Variants in CD80 observed in about 807,000 individuals in gnomAD.
The protein encoded by CD80 is T-lymphocyte activation antigen CD80.
Under a neutral mutation model 27.1 loss-of-function variants are expected in CD80, and 13 were observed. The observed-to-expected ratio is 0.48, with a 90% CI of 0.31 to 0.76. CD80 has a LOEUF of 0.76. Among genes scored for constraint, CD80 ranks in the 30% least tolerant of loss-of-function variants. CD80 has a pLI of 0.04. For synonymous variants in CD80, 125 were observed against 125.5 expected (o/e 1.00, Z 0.03); for missense variants, 277 against 347.9 (o/e 0.80, Z 1.62).
chr3:119,527,686 C>T (rs2107738707), intron 6 of CD80, 47 bp downstream of exon 6: 1 of 1,153,066 alleles, frequency 8.7e-7, no homozygotes, highest in South Asian at 1.3e-5. Context: ...AAGAATGCCT[C>T]ATGATCCCCA....
At chr3:119,547,761 T>C (rs1272703158) in intron 2 of CD80, among the ~76,000 whole-genome samples, 1 of 152,190 alleles carries the variant, frequency 6.6e-6, no homozygotes, top group Non-Finnish European at 1.5e-5. Flanking sequence ...GAATTCAATA[T>C]ATTAGCAGCC....
At chr3:119,543,594 C>T (rs938538215) in intron 3 of CD80, among the ~76,000 whole-genome samples, 3 of 150,630 alleles carry the variant, frequency 2.0e-5, no homozygotes, top group East Asian at 4.0e-4. Context: ...GTAGCCAACA[C>T]GTCCCTGGCT....
intron 2 of CD80, among the ~76,000 whole-genome samples, chr3:119,552,802 G>T (rs946067700): frequency 2.0e-5 from 3 of 152,248 alleles, no homozygotes; most frequent in Admixed American, 1.3e-4. Context: ...CTCAGTGAAA[G>T]AAAATAGTCA....
intron 1 of CD80, among the ~76,000 whole-genome samples, chr3:119,558,397 C>T (rs550140057): frequency 1.3e-5 from 2 of 152,048 alleles, no homozygotes; most frequent in Non-Finnish European, 1.5e-5. Flanking sequence ...GGTATGAGAT[C>T]TCAATAACCA....
intron 2 of CD80, among the ~76,000 whole-genome samples, chr3:119,549,539 T>G (rs1217778809): frequency 6.6e-6 from 1 of 152,198 alleles, no homozygotes; most frequent in African/African-American, 2.4e-5. Flanking sequence ...GGGAGACCCA[T>G]GTCTAGGGAC....
chr3:119,545,894 A>G (rs2082200125), intron 2 of CD80, among the ~76,000 whole-genome samples: 1 of 152,150 alleles, frequency 6.6e-6, no homozygotes, highest in African/African-American at 2.4e-5. Flanking sequence ...TTGGGGTCAT[A>G]TGGTAGTTCT....
chr3:119,534,248 T>C (rs1437373466), intron 4 of CD80, among the ~76,000 whole-genome samples: 5 of 151,924 alleles, frequency 3.3e-5, no homozygotes, highest in African/African-American at 9.7e-5. Flanking sequence ...GGCAGGCACC[T>C]GTAATCCCAG....
intron 4 of CD80, among the ~76,000 whole-genome samples, chr3:119,532,837 C>G (rs1284877253): frequency 6.6e-6 from 1 of 152,148 alleles, no homozygotes; most frequent in Non-Finnish European, 1.5e-5. Context: ...GTCTCTTTGC[C>G]TCAGGTTTCC....
At chr3:119,539,115 CATTGA>C (rs765627805) in intron 3 of CD80, among the ~76,000 whole-genome samples, 1 of 152,160 alleles carries the variant, frequency 6.6e-6, no homozygotes, top group African/African-American at 2.4e-5. Flanking sequence ...TTGAAAATAT[CATTGA>C]AATGTATTTG....
chr3:119,556,699 T>C (rs80193048), intron 2 of CD80, among the ~76,000 whole-genome samples: 1 of 152,222 alleles, frequency 6.6e-6, no homozygotes, highest in Non-Finnish European at 1.5e-5. Context: ...TTCTAGGCAG[T>C]ACTTTATGTG....
At position 119,557,739 on chromosome 3, in the gene CD80, G is replaced by A. The variant is rs1037712445; in HGVS notation, c.-11C>T. ...CCGTGTGTGGCCCATGGCTTCAGATGCTTAGGGTCAAAAGTGAAAGCCAAC... is the reference window on the plus strand; with the variant it reads ...CCGTGTGTGGCCCATGGCTTCAGATACTTAGGGTCAAAAGTGAAAGCCAAC... On this transcript the variant is annotated 5_prime_UTR_variant, in exon 2 of 7. Coordinates refer to ENST00000264246, the MANE Select transcript of CD80 (RefSeq NM_005191.4). 1 of 1,601,286 alleles carries A rather than the reference G, an allele frequency of 6.2e-7. No homozygotes were observed. The highest frequency in any genetic ancestry group is 8.5e-7 in the Non-Finnish European group (1 of 1,171,436).
chr3:119,553,816 A>G (rs2082248325), intron 2 of CD80, among the ~76,000 whole-genome samples: 2 of 152,374 alleles, frequency 1.3e-5, no homozygotes, highest in South Asian at 4.1e-4. Flanking sequence ...AATGGAAGAT[A>G]TAGAAAAGCG....
In CD80 at chr3:119,527,736, C is replaced by T. The variant is rs180804720; in HGVS notation, c.*35G>A. 24 of 1,564,946 alleles carry T rather than the reference C, an allele frequency of 1.5e-5. No homozygotes were observed. The African/African-American group carries it at 3.2e-4, about 21-fold the overall frequency. ...CAGAAGAGATGACGGAGGCTACCTT[C>T]AGATCTTTTCAGCCCCTTGCTTCTG... On this transcript the variant is annotated 3_prime_UTR_variant, in exon 6 of 7. Coordinates refer to ENST00000264246, the MANE Select transcript of CD80 (RefSeq NM_005191.4).
At chr3:119,539,930 T>C (rs1246502876) in intron 3 of CD80, among the ~76,000 whole-genome samples, 1 of 152,198 alleles carries the variant, frequency 6.6e-6, no homozygotes, top group African/African-American at 2.4e-5. Flanking sequence ...AAGAATTAAA[T>C]GACATCGTTC....
intron 5 of CD80, among the ~76,000 whole-genome samples, chr3:119,528,935 A>AAAG (rs2082094345): frequency 6.7e-6 from 1 of 148,200 alleles, no homozygotes; most frequent in African/African-American, 2.5e-5. Context: ...AAAAAAAAAA[A>AAAG]GAACTAAGAA....
chr3:119,530,072 T>C (rs958651544), intron 4 of CD80, 135 bp from the exon 5 acceptor site: 2 of 594,908 alleles, frequency 3.4e-6, no homozygotes, highest in Non-Finnish European at 6.0e-6. Context: ...TGCTAGCATT[T>C]TTCTTGCATA....
chr3:119,554,672 G>A (rs927868909), intron 2 of CD80, among the ~76,000 whole-genome samples: 1 of 152,174 alleles, frequency 6.6e-6, no homozygotes, highest in Non-Finnish European at 1.5e-5. Context: ...GGAAGGCCTA[G>A]TGTGGCAAAT....
rs2082281834 is a variant in CD80, at chr3:119,559,611, G to A, written c.-372C>T. ...TCTAACTTCTGTTACTTTACAGAGG[G>A]TTTGAGTTCACTCAGTACTTGTCAG... On this transcript the variant is annotated 5_prime_UTR_variant, in exon 1 of 7. Coordinates refer to ENST00000264246, the MANE Select transcript of CD80 (RefSeq NM_005191.4). The A allele has an allele frequency of 6.6e-6, 1 of 152,142 alleles. No individual in the cohort carries two copies. The highest frequency in any genetic ancestry group is 2.4e-5 in the African/African-American group (1 of 41,398). 9.4% of individuals were successfully genotyped at this position (152,142 alleles called of 1,614,324 possible).
At chr3:119,540,940 T>C (rs2082164268) in intron 3 of CD80, among the ~76,000 whole-genome samples, 1 of 151,830 alleles carries the variant, frequency 6.6e-6, no homozygotes, top group South Asian at 2.1e-4. Context: ...CCCAGCTAGT[T>C]TGGAGGCTGA....
Sources: allele counts gnomAD v4.1 joint callset (sites outside exome capture counted in the v4.1 genomes callset), GRCh38; gene constraint gnomAD v4.1.1; transcripts MANE v1.5; gene names NCBI Gene and HGNC (gene_info 2026-07-23, HGNC 2026-07-21).